The following WWOX variants were observed in gnomAD, a reference collection of about 807,000 sequenced individuals.
WWOX encodes WW domain containing oxidoreductase, also known as WW domain-containing oxidoreductase.
Under a neutral mutation model 46.2 loss-of-function variants are expected in WWOX, and 69 were observed. The observed-to-expected ratio is 1.49, with a 90% CI of 1.23 to 1.82. The LOEUF (loss-of-function observed/expected upper bound fraction) is 1.82, where lower values mean the gene tolerates loss of function less well. Among genes scored for constraint, WWOX ranks in the 40% most tolerant of loss-of-function variants. The pLI is 0.00. For missense variants in WWOX, 919 were observed against 542.6 expected, an observed-to-expected ratio of 1.69 and a Z score of -6.89; for synonymous variants, 359 against 202.6, an observed-to-expected ratio of 1.77 and a Z score of -6.56.
intron 4 of WWOX, among the ~76,000 whole-genome samples, chr16:78,133,972 C>G (rs556532662): frequency 2.0e-5 from 3 of 152,310 alleles, no homozygotes; most frequent in African/African-American, 7.2e-5. Context: ...TTTTGTGCCT[C>G]TTGCACAGGT....
At chr16:78,856,268 GTTGT>G (rs980706812) in intron 8 of WWOX, among the ~76,000 whole-genome samples, 6 of 152,200 alleles carry the variant, frequency 3.9e-5, no homozygotes, top group African/African-American at 1.4e-4. Context: ...AGGCCTGGAC[GTTGT>G]TTGTAGGCAA....
intron 8 of WWOX, among the ~76,000 whole-genome samples, chr16:78,943,403 C>T (rs962302737): frequency 8.0e-5 from 12 of 149,656 alleles, no homozygotes; most frequent in African/African-American, 2.6e-4. Context: ...CGCCACTCCC[C>T]CAGGCCAGAT....
chr16:79,206,755 T>C (rs1213717128), intron 8 of WWOX: 2 of 152,336 alleles, frequency 1.3e-5, no homozygotes, highest in Middle Eastern at 3.4e-3. Context: ...AATTTCATTA[T>C]AGAAGTATCA....
chr16:78,692,908 G>T (rs1393067013), intron 8 of WWOX, among the ~76,000 whole-genome samples: 2 of 152,180 alleles, frequency 1.3e-5, no homozygotes, highest in Admixed American at 1.3e-4. Flanking sequence ...TGTAATAGAA[G>T]ATATCGTTTG....
chr16:78,378,699 C>T (rs1039121041), intron 5 of WWOX, among the ~76,000 whole-genome samples: 1 of 152,018 alleles, frequency 6.6e-6, no homozygotes, highest in South Asian at 2.1e-4. Context: ...GTATGTAAAG[C>T]GGAAGGGTGA....
intron 8 of WWOX, among the ~76,000 whole-genome samples, chr16:78,591,441 A>T (rs564744042): frequency 1.6e-4 from 24 of 152,116 alleles, no homozygotes; most frequent in African/African-American, 5.5e-4. Flanking sequence ...CTTCCCTCAC[A>T]CTTTCCACTC....
chr16:78,622,846 G>A (rs746517236), intron 8 of WWOX, among the ~76,000 whole-genome samples: 50 of 152,104 alleles, frequency 3.3e-4, no homozygotes, highest in Non-Finnish European at 5.6e-4. Flanking sequence ...CTCCTGGGTG[G>A]GCCTGACTTA....
intron 5 of WWOX, among the ~76,000 whole-genome samples, chr16:78,385,078 G>A (rs1343157252): frequency 2.0e-5 from 3 of 151,312 alleles, no homozygotes; most frequent in Non-Finnish European, 2.9e-5. Context: ...AGGTTGCAGT[G>A]AGCCAAGATG....
chr16:78,434,445 G>C (rs79569431), intron 8 of WWOX, among the ~76,000 whole-genome samples: 5 of 152,160 alleles, frequency 3.3e-5, no homozygotes, highest in Admixed American at 6.5e-5. Context: ...GTGTCCTTCA[G>C]TTTACATGAA....
At chr16:78,712,765 A>G (rs909437199) in intron 8 of WWOX, among the ~76,000 whole-genome samples, 2 of 152,182 alleles carry the variant, frequency 1.3e-5, no homozygotes, top group Non-Finnish European at 2.9e-5. Flanking sequence ...TGATATGATA[A>G]CTAAGACTTG....
chr16:78,617,069 G>C (rs1308935812), intron 8 of WWOX, among the ~76,000 whole-genome samples: 1 of 152,160 alleles, frequency 6.6e-6, no homozygotes. Flanking sequence ...CAGAAAAATA[G>C]CTTGGACATT....
intron 8 of WWOX, among the ~76,000 whole-genome samples, chr16:78,966,374 T>C (rs904974414): frequency 6.6e-6 from 1 of 152,202 alleles, no homozygotes; most frequent in Non-Finnish European, 1.5e-5. Flanking sequence ...TCTAAACATA[T>C]TTGTAATCAT....
At chr16:78,581,251 G>C (rs1236605215) in intron 8 of WWOX, among the ~76,000 whole-genome samples, 1 of 152,146 alleles carries the variant, frequency 6.6e-6, no homozygotes, top group East Asian at 1.9e-4. Context: ...ACATTAATTA[G>C]ATAATTAAGG....
intron 8 of WWOX, among the ~76,000 whole-genome samples, chr16:78,630,963 G>A (rs188384190): frequency 6.6e-6 from 1 of 152,270 alleles, no homozygotes; most frequent in Admixed American, 6.5e-5. Flanking sequence ...TATCTGTACT[G>A]AAAATGTACC....
chr16:79,092,343 C>G (rs1045787353), intron 8 of WWOX, among the ~76,000 whole-genome samples: 1 of 152,148 alleles, frequency 6.6e-6, no homozygotes. Context: ...GGCTTGAAAA[C>G]AGGGCAGTAA....
At chr16:78,754,488 C>T (rs576399544) in intron 8 of WWOX, among the ~76,000 whole-genome samples, 103 of 152,194 alleles carry the variant, frequency 6.8e-4, no homozygotes, top group Non-Finnish European at 1.1e-3. Context: ...GCTTTCTTTT[C>T]CTCACCTTCC....
intron 8 of WWOX, among the ~76,000 whole-genome samples, chr16:78,931,179 C>G (rs546084115): frequency 6.6e-6 from 1 of 152,154 alleles, no homozygotes; most frequent in East Asian, 1.9e-4. Context: ...TACGCACATC[C>G]GTAGACAGTT....
At position 78,422,848 on chromosome 16, in the gene WWOX, C is replaced by CACAG. The variant is rs1223120863; in HGVS notation, c.606-2019_606-2018insGACA. On this transcript the variant is annotated intron_variant, in intron 6 of 8. Coordinates refer to ENST00000566780, the MANE Select transcript of WWOX (RefSeq NM_016373.4). ...ACACATATATATATATACATATACA[C>CACAG]ACACACACACACACACACACACACA... Among the ~76,000 whole-genome samples, 190 of 70,530 alleles carry CACAG rather than the reference C, an allele frequency of 2.7e-3. 19 individuals carry two copies. The highest frequency in any genetic ancestry group is 0.013 in the African/African-American group (172 of 13,218). 46.3% of individuals were successfully genotyped at this position (70,530 alleles called of 152,430 possible). A position where few individuals can be genotyped will look rare whatever the true frequency, so the allele number is the denominator to read the frequency against.
At chr16:78,681,489 C>G (rs948559550) in intron 8 of WWOX, among the ~76,000 whole-genome samples, 41 of 150,608 alleles carry the variant, frequency 2.7e-4, no homozygotes, top group African/African-American at 9.6e-4. Flanking sequence ...AATCAGAGCC[C>G]TTTTAATTAT....
Sources: allele counts gnomAD v4.1 joint callset (sites outside exome capture counted in the v4.1 genomes callset), GRCh38; gene constraint gnomAD v4.1.1; transcripts MANE v1.5; gene names NCBI Gene and HGNC (gene_info 2026-07-23, HGNC 2026-07-21).